SLC30A9: variants seen among roughly 807,000 people sequenced by gnomAD.
SLC30A9 encodes the protein proton-coupled zinc antiporter SLC30A9, mitochondrial.
A neutral mutation model predicts 87.5 loss-of-function variants in SLC30A9; 58 were observed. That is an observed-to-expected ratio of 0.66 (90% CI 0.54 to 0.82). The LOEUF is 0.82. Among genes scored for constraint, SLC30A9 ranks in the 40% least tolerant of loss-of-function variants. SLC30A9 has a pLI of 0.00. For synonymous variants in SLC30A9, 234 were observed against 233.0 expected (o/e 1.00, Z -0.04); for missense variants, 557 against 679.1 (o/e 0.82, Z 2.00).
chr4:42,083,111 G>T (rs1330338019), intron 17 of SLC30A9, among the ~76,000 whole-genome samples: 5 of 152,090 alleles, frequency 3.3e-5, no homozygotes, highest in Non-Finnish European at 7.4e-5. Context: ...AGTTCATTGG[G>T]AGGCTGCTGT....
intron 7 of SLC30A9, among the ~76,000 whole-genome samples, chr4:42,037,268 T>TG (rs1716720942): frequency 1.3e-5 from 1 of 74,920 alleles, no homozygotes; most frequent in African/African-American, 5.6e-5. Context: ...TTTTTTTTTT[T>TG]TTTTTGTTAT....
chr4:42,002,419 CCT>C (rs143638947), intron 2 of SLC30A9, among the ~76,000 whole-genome samples: 4,300 of 149,068 alleles, frequency 0.029, 105 homozygotes, highest in Middle Eastern at 0.072. Context: ...CCATTGCTGC[CCT>C]CTCTCTCTCT....
intron 9 of SLC30A9, among the ~76,000 whole-genome samples, chr4:42,056,514 A>C (rs1480077696): frequency 1.3e-5 from 2 of 152,140 alleles, no homozygotes; most frequent in African/African-American, 2.4e-5. Context: ...AGCCGAGGAA[A>C]GACTTGCCTC....
chr4:42,017,995 G>T (rs1398196861), intron 2 of SLC30A9, 116 bp from the exon 3 acceptor site: 2 of 603,730 alleles, frequency 3.3e-6, no homozygotes, highest in African/African-American at 1.9e-5. Context: ...AATCCAACAT[G>T]GTCTGATACA....
intron 9 of SLC30A9, among the ~76,000 whole-genome samples, chr4:42,058,100 C>CAAAAAAAAAA (rs35993518): frequency 1.8e-5 from 2 of 109,782 alleles, no homozygotes; most frequent in African/African-American, 7.3e-5. Flanking sequence ...GACTTTGTCT[C>CAAAAAAAAAA]AAAAAAAAAA....
intron 2 of SLC30A9, among the ~76,000 whole-genome samples, chr4:42,005,988 T>A (rs1490947672): frequency 6.6e-6 from 1 of 152,292 alleles, no homozygotes; most frequent in East Asian, 1.9e-4. Flanking sequence ...GATTAAAAGA[T>A]TTGGGGGGAA....
chr4:42,090,399 G>A lies in SLC30A9; in HGVS notation c.*4273G>A, dbSNP rs147921317. The A allele has an allele frequency of 1.9e-4, 29 of 152,176 alleles. No homozygotes were observed. The highest frequency in any genetic ancestry group is 6.5e-4 in the African/African-American group (27 of 41,524). 9.4% of individuals were successfully genotyped at this position (152,176 alleles called of 1,614,324 possible). The stretch of plus-strand genomic sequence containing the variant: ...TCTGATTTCCCTGGCACATTAAGAT[G>A]GTCCTGGTCCCTCAGGATACTTTTT... On this transcript the variant is annotated 3_prime_UTR_variant, in exon 18 of 18. Transcript: ENST00000264451.
Position 42,012,497 on chromosome 4 carries a change from T to C in SLC30A9, c.275-5614T>C, listed in dbSNP as rs560449704. 3.6e-4 allele frequency among the ~76,000 whole-genome samples: 55 copies of C among 152,276 alleles called. No homozygotes were observed. The South Asian group carries it at 0.011, about 30-fold the overall frequency. ...AATTTTGGGAGGTACATAGTAGGTGTATATATGGAGTACATGAGATGTTGT... is the reference window on the plus strand; with the variant it reads ...AATTTTGGGAGGTACATAGTAGGTGCATATATGGAGTACATGAGATGTTGT... On this transcript the variant is annotated intron_variant, in intron 2 of 17. Transcript: ENST00000264451.
chr4:42,015,344 T>G (rs1167144324), intron 2 of SLC30A9, among the ~76,000 whole-genome samples: 1 of 152,040 alleles, frequency 6.6e-6, no homozygotes, highest in Non-Finnish European at 1.5e-5. Flanking sequence ...ATAGAAAACT[T>G]TTTCAATCTA....
intron 8 of SLC30A9, among the ~76,000 whole-genome samples, chr4:42,039,486 C>CA (rs1716826431): frequency 6.8e-6 from 1 of 146,030 alleles, no homozygotes; most frequent in African/African-American, 2.5e-5. Flanking sequence ...TTTTTTGAGA[C>CA]AGAGTCTTGC....
In SLC30A9 at chr4:42,078,258, T is replaced by A. The variant is rs537929806; in HGVS notation, c.1595T>A (p.Leu532His). 6.3e-7 allele frequency: 1 copy of A among 1,589,294 alleles called. No homozygotes were observed. Among genetic ancestry groups the A allele is most frequent in the African/African-American group, 1.4e-5 (1 of 73,990 alleles). Residue 532 changes from leucine to histidine, a missense_variant, in exon 17 of 18, where the codon CTT (leucine) becomes CAT (histidine). Leu to His is a moderately conservative substitution (Grantham distance 99). This residue lies in a region of SLC30A9 where 90 missense variants were observed against 149.4 expected (regional missense o/e 0.60). Transcript: ENST00000264451. ...CCTGAAGAACTAGAGACCTTTATGC[T>A]TAAACATGGAGAAAATATTATTGAT... ...KTPEELETFM[L>H]KHGENIIDTL... is the part of the protein sequence containing the mutation.
In SLC30A9 at chr4:42,001,752, A is replaced by G; in HGVS notation, c.246A>G (p.Arg82=). The G allele has an allele frequency of 1.2e-6, 2 of 1,609,958 alleles. No homozygotes were observed. Among genetic ancestry groups the G allele is most frequent in the Non-Finnish European group, 1.7e-6 (2 of 1,178,216 alleles). The change falls in exon 2 of 18, where the codon AGA becomes AGG. Residue 82 remains arginine, a synonymous_variant. Transcript: ENST00000264451. ...AAGGACAGGGATCACAAACACTCAGAGTGGAAAAAGTACCATCATTTGAAA... is the reference window on the plus strand; with the variant it reads ...AAGGACAGGGATCACAAACACTCAGGGTGGAAAAAGTACCATCATTTGAAA... ...QKEGQGSQTL[R]VEKVPSFETA... is the part of the protein sequence containing the mutation.
chr4:42,063,056 G>C lies in SLC30A9; in HGVS notation c.967G>C (p.Gly323Arg). ...TGTTGGTATTTTCATGATGGGTGCAGGACTATCTTGGTACCATGGAGTCAT... is the reference window on the plus strand; with the variant it reads ...TGTTGGTATTTTCATGATGGGTGCACGACTATCTTGGTACCATGGAGTCAT... ...SGVGIFMMGA[G>R]LSWYHGVMGL... Residue 323 changes from glycine to arginine, a missense_variant, in exon 11 of 18, where the codon GGA becomes CGA. Physicochemically the swap from Gly to Arg is moderately radical, Grantham distance 125. This residue lies in a region of SLC30A9 where 467 missense variants were observed against 529.8 expected (regional missense o/e 0.88). Coordinates refer to ENST00000264451, the MANE Select transcript of SLC30A9 (RefSeq NM_006345.4). 6.2e-7 allele frequency: 1 copy of C among 1,613,214 alleles called. No individual in the cohort carries two copies. Among genetic ancestry groups the C allele is most frequent in the Non-Finnish European group, 8.5e-7 (1 of 1,179,220 alleles).
At chr4:42,024,097 A>G (rs999024167) in intron 6 of SLC30A9, among the ~76,000 whole-genome samples, 4 of 152,220 alleles carry the variant, frequency 2.6e-5, no homozygotes, top group Non-Finnish European at 4.4e-5. Context: ...AGAAGGGTCT[A>G]TTAACTCAGC....
In SLC30A9 at chr4:42,025,216, A is replaced by G. The variant is rs61683859; in HGVS notation, c.610+1832A>G. On this transcript the variant is annotated intron_variant, in intron 6 of 17. Transcript: ENST00000264451. ...TCATTTTATTTATAAATATTCCAGT[A>G]TATATTAAAAGGTCAGGATGTTTGT... Among the ~76,000 whole-genome samples, 636 of 152,322 alleles carry G rather than the reference A, an allele frequency of 4.2e-3. 7 individuals are homozygous for G. Among genetic ancestry groups the G allele is most frequent in the African/African-American group, 0.015 (606 of 41,560 alleles).
chr4:42,000,741 T>G (rs1714946611), intron 1 of SLC30A9, among the ~76,000 whole-genome samples: 1 of 152,096 alleles, frequency 6.6e-6, no homozygotes, highest in South Asian at 2.1e-4. Context: ...TTAACATTTT[T>G]GGAAGATCAT....
intron 17 of SLC30A9, among the ~76,000 whole-genome samples, chr4:42,081,946 G>A (rs186787654): frequency 1.6e-4 from 25 of 152,222 alleles, no homozygotes; most frequent in African/African-American, 4.8e-4. Flanking sequence ...GGGCGCGTGC[G>A]GTTGCTCATG....
chr4:42,030,403 T>C (rs562627782), intron 6 of SLC30A9, among the ~76,000 whole-genome samples: 1 of 152,352 alleles, frequency 6.6e-6, no homozygotes, highest in Non-Finnish European at 1.5e-5. Flanking sequence ...AAGTGACTTG[T>C]AAGCAGTGTT....
chr4:42,061,413 A>G (rs1717849547), intron 10 of SLC30A9, among the ~76,000 whole-genome samples: 1 of 152,240 alleles, frequency 6.6e-6, no homozygotes, highest in Non-Finnish European at 1.5e-5. Flanking sequence ...ATTCCTTGAA[A>G]TCACCTGAAG....
Sources: gnomAD v4.1 joint callset for allele counts (sites outside exome capture counted in the v4.1 genomes callset) on GRCh38, gnomAD v4.1.1 for gene constraint, gnomAD v4.1.1 regional missense constraint, MANE v1.5 for transcripts, NCBI Gene and HGNC (gene_info 2026-07-23, HGNC 2026-07-21) for gene names.